FHIT: variants seen among roughly 807,000 people sequenced by gnomAD.
FHIT encodes bis(5'-adenosyl)-triphosphatase.
FHIT carries 19 observed loss-of-function variants against 17.9 expected under a neutral mutation model. The ratio of observed to expected loss-of-function variants is 1.06; its 90% CI spans 0.74 to 1.56. FHIT has a LOEUF of 1.56. Ranked by LOEUF, FHIT falls within the 40% of genes most tolerant of loss-of-function variation. The pLI is 0.00. For synonymous variants in FHIT, 81 were observed against 69.7 expected (o/e 1.16, Z -0.81); for missense variants, 248 against 189.2 (o/e 1.31, Z -1.82).
chr3:61,126,653 T>G (rs1173822596), intron 2 of FHIT, among the ~76,000 whole-genome samples: 1 of 152,178 alleles, frequency 6.6e-6, no homozygotes, highest in Non-Finnish European at 1.5e-5. Context: ...AGATCAGATT[T>G]AGGTGGGAAC....
intron 5 of FHIT, among the ~76,000 whole-genome samples, chr3:60,525,787 G>C (rs954767482): frequency 6.6e-6 from 1 of 152,146 alleles, no homozygotes; most frequent in African/African-American, 2.4e-5. Context: ...AGGCAGAGTG[G>C]TCTTAGGTAT....
intron 5 of FHIT, among the ~76,000 whole-genome samples, chr3:60,112,838 G>A (rs575517991): frequency 2.8e-4 from 43 of 152,270 alleles, no homozygotes; most frequent in African/African-American, 8.9e-4. Flanking sequence ...TCTAACAGTA[G>A]AGAAGAAAAA....
At chr3:60,560,954 A>G (rs886097126) in intron 4 of FHIT, among the ~76,000 whole-genome samples, 4 of 152,088 alleles carry the variant, frequency 2.6e-5, no homozygotes, top group Non-Finnish European at 5.9e-5. Context: ...TGTGAAAAGA[A>G]TAAGATAATA....
At chr3:60,571,141 A>C (rs2037364560) in intron 4 of FHIT, among the ~76,000 whole-genome samples, 1 of 151,950 alleles carries the variant, frequency 6.6e-6, no homozygotes, top group African/African-American at 2.4e-5. Flanking sequence ...CAGCCTGGCC[A>C]ACACGGTGAC....
At chr3:60,455,917 G>T (rs981004740) in intron 5 of FHIT, among the ~76,000 whole-genome samples, 1 of 152,142 alleles carries the variant, frequency 6.6e-6, no homozygotes, top group Non-Finnish European at 1.5e-5. Flanking sequence ...AGAAAAATAT[G>T]TTCACCAAAT....
At chr3:60,123,942 C>G (rs6798836) in intron 5 of FHIT, among the ~76,000 whole-genome samples, 112,031 of 120,084 alleles carry the variant, frequency 0.93, 52,305 homozygotes, top group East Asian at 0.98. Flanking sequence ...TGAATTCTCA[C>G]TTCCATTAAC....
intron 8 of FHIT, among the ~76,000 whole-genome samples, chr3:59,864,884 C>A (rs1442564574): frequency 1.3e-5 from 2 of 151,708 alleles, no homozygotes; most frequent in Non-Finnish European, 2.9e-5. Context: ...AGGCCTAATT[C>A]TTTCACCTTC....
intron 5 of FHIT, among the ~76,000 whole-genome samples, chr3:60,240,220 C>T (rs1043391457): frequency 5.3e-5 from 8 of 152,118 alleles, no homozygotes; most frequent in Non-Finnish European, 1.0e-4. Flanking sequence ...CATTGGACTG[C>T]TTTCTGATTC....
chr3:61,132,527 A>G (rs1384229959), intron 2 of FHIT, among the ~76,000 whole-genome samples: 2 of 152,262 alleles, frequency 1.3e-5, no homozygotes, highest in Non-Finnish European at 2.9e-5. Flanking sequence ...ACAAATGCAA[A>G]CATGGGGATG....
intron 4 of FHIT, among the ~76,000 whole-genome samples, chr3:60,647,472 GA>G (rs2039887942): frequency 6.6e-6 from 1 of 152,148 alleles, no homozygotes; most frequent in African/African-American, 2.4e-5. Context: ...CTAGAAAGAA[GA>G]AGAGACTCTG....
At chr3:60,177,716 T>C (rs1216562614) in intron 5 of FHIT, among the ~76,000 whole-genome samples, 2 of 152,220 alleles carry the variant, frequency 1.3e-5, no homozygotes, top group East Asian at 3.9e-4. Flanking sequence ...GATATAATTA[T>C]GCCAAACCTA....
At chr3:60,082,126 C>T (rs1411388705) in intron 5 of FHIT, among the ~76,000 whole-genome samples, 2 of 150,336 alleles carry the variant, frequency 1.3e-5, no homozygotes, top group African/African-American at 4.8e-5. Context: ...CCCCCTCCTT[C>T]CCTCCCACTA....
At chr3:60,844,069 T>C (rs1702837627) in intron 3 of FHIT, among the ~76,000 whole-genome samples, 1 of 152,142 alleles carries the variant, frequency 6.6e-6, no homozygotes, top group South Asian at 2.1e-4. Flanking sequence ...TTTAATATAA[T>C]TTTGTTGGAA....
intron 5 of FHIT, among the ~76,000 whole-genome samples, chr3:60,304,041 A>C (rs552760885): frequency 1.6e-4 from 24 of 152,194 alleles, no homozygotes; most frequent in African/African-American, 5.5e-4. Flanking sequence ...TGTGACCTGC[A>C]CCTTGGCTCT....
intron 5 of FHIT, among the ~76,000 whole-genome samples, chr3:60,423,393 T>C (rs567129244): frequency 6.6e-6 from 1 of 152,192 alleles, no homozygotes. Flanking sequence ...ACATACCCAG[T>C]CAAAAACAGA....
intron 8 of FHIT, among the ~76,000 whole-genome samples, chr3:59,902,813 C>G (rs1044261847): frequency 2.0e-5 from 3 of 152,120 alleles, no homozygotes; most frequent in African/African-American, 7.2e-5. Flanking sequence ...TGGGAATAAT[C>G]TGGTCAAGGG....
chr3:60,124,159 C>T (rs768076135), intron 5 of FHIT, among the ~76,000 whole-genome samples: 1 of 149,980 alleles, frequency 6.7e-6, no homozygotes, highest in Non-Finnish European at 1.5e-5. Context: ...TTCAAGTGAT[C>T]CTCCTGCCTC....
At chr3:60,010,123 T>G (rs1559545781) in intron 7 of FHIT, among the ~76,000 whole-genome samples, 1 of 152,236 alleles carries the variant, frequency 6.6e-6, no homozygotes, top group Non-Finnish European at 1.5e-5. Context: ...ATTTGAATAC[T>G]GAGTTTTAAA....
chr3:60,054,363 G>A (rs150163614), intron 5 of FHIT, among the ~76,000 whole-genome samples: 6 of 152,276 alleles, frequency 3.9e-5, no homozygotes, highest in South Asian at 2.1e-4. Context: ...AAATGAAAGC[G>A]TTGAGGTCAG....
Sources: gnomAD v4.1 joint callset for allele counts (sites outside exome capture counted in the v4.1 genomes callset) on GRCh38, gnomAD v4.1.1 for gene constraint, MANE v1.5 for transcripts, NCBI Gene and HGNC (gene_info 2026-07-23, HGNC 2026-07-21) for gene names.